Variants in PCDH7 observed in about 807,000 individuals in gnomAD.
PCDH7 encodes protocadherin-7.
In PCDH7, 17 loss-of-function variants were observed where a neutral mutation model predicts 58.9. The observed-to-expected ratio is 0.29, with a 90% confidence interval of 0.20 to 0.43. The LOEUF is 0.43. PCDH7 is among the 20% of genes least tolerant of loss of function. The pLI, the probability that PCDH7 is intolerant of heterozygous loss-of-function variation, is 1.00. For synonymous variants in PCDH7, 664 were observed against 616.4 expected (o/e 1.08, Z -1.14); for missense variants, 1,274 against 1,441.0 (o/e 0.88, Z 1.88).
Position 30,751,801 on chromosome 4 carries a change from A to G in PCDH7, c.70+27205A>G, listed in dbSNP as rs189726281. 9.2e-5 allele frequency among the ~76,000 whole-genome samples: 14 copies of G among 152,280 alleles called. No individual in the cohort carries two copies. In the East Asian group the frequency reaches 2.7e-3, roughly 29 times the overall value. ...TTAATAAATATATTTTAATAGGGCT[A>G]TACATTTTTTCCAGTAATATTTACT... On this transcript the variant is annotated intron_variant, in intron 1 of 3. Transcript: ENST00000509759.
intron 1 of PCDH7, among the ~76,000 whole-genome samples, chr4:30,909,196 T>A (rs1012065573): frequency 2.0e-5 from 3 of 152,118 alleles, no homozygotes; most frequent in Non-Finnish European, 2.9e-5. Flanking sequence ...TAATAAGAAC[T>A]ATGTATGACA....
At chr4:30,998,423 T>A (rs1752081211) in intron 3 of PCDH7, among the ~76,000 whole-genome samples, 2 of 152,158 alleles carry the variant, frequency 1.3e-5, no homozygotes, top group African/African-American at 4.8e-5. Flanking sequence ...GCTGGTGTTT[T>A]TTTGTAGTTG....
chr4:31,096,115 G>A (rs1406662245), intron 3 of PCDH7, among the ~76,000 whole-genome samples: 1 of 152,068 alleles, frequency 6.6e-6, no homozygotes, highest in African/African-American at 2.4e-5. Context: ...TGCAACACAG[G>A]CATATCATAT....
At chr4:30,783,942 A>ATGTG (rs138059892) in intron 1 of PCDH7, among the ~76,000 whole-genome samples, 4 of 150,304 alleles carry the variant, frequency 2.7e-5, no homozygotes, top group East Asian at 3.9e-4. Context: ...TTGTTTGTGT[A>ATGTG]TGTGTGTGTG....
chr4:30,801,255 A>G (rs1164070672), intron 1 of PCDH7, among the ~76,000 whole-genome samples: 1 of 152,346 alleles, frequency 6.6e-6, no homozygotes, highest in Admixed American at 6.5e-5. Context: ...GGAATTGGAA[A>G]TGTGGGAGAT....
intron 1 of PCDH7, among the ~76,000 whole-genome samples, chr4:30,825,000 A>G (rs1240396312): frequency 6.6e-6 from 1 of 152,242 alleles, no homozygotes; most frequent in South Asian, 2.1e-4. Context: ...TGTACAAGGC[A>G]TATATAAAGT....
chr4:30,958,885 G>A (rs1426509900), intron 3 of PCDH7, among the ~76,000 whole-genome samples: 1 of 151,918 alleles, frequency 6.6e-6, no homozygotes, highest in Non-Finnish European at 1.5e-5. Flanking sequence ...AACAAATAAA[G>A]CATAAAAGCA....
chr4:31,048,383 A>G (rs1046185098), intron 3 of PCDH7, among the ~76,000 whole-genome samples: 3 of 152,080 alleles, frequency 2.0e-5, no homozygotes, highest in African/African-American at 7.2e-5. Flanking sequence ...TCTGTTTTCA[A>G]TAAAGATTAC....
At chr4:30,854,568 T>A (rs1733208099) in intron 1 of PCDH7, among the ~76,000 whole-genome samples, 1 of 151,954 alleles carries the variant, frequency 6.6e-6, no homozygotes, top group Non-Finnish European at 1.5e-5. Context: ...CTATTACTTT[T>A]TTAAAGGGAA....
chr4:31,056,500 A>AGAAAGAAAGAAAGAAAGAAG (rs1757229108), intron 3 of PCDH7, among the ~76,000 whole-genome samples: 1 of 126,060 alleles, frequency 7.9e-6, no homozygotes, highest in South Asian at 3.0e-4. Context: ...AAAGAAAGAA[A>AGAAAGAAAGAAAGAAAGAAG]GAAAGAAAGA....
At chr4:31,044,248 A>G (rs1361818438) in intron 3 of PCDH7, among the ~76,000 whole-genome samples, 1 of 152,112 alleles carries the variant, frequency 6.6e-6, no homozygotes, top group African/African-American at 2.4e-5. Context: ...CTCAAGATTA[A>G]CAAAGTGGAC....
chr4:30,767,574 G>C (rs760893690), intron 1 of PCDH7, among the ~76,000 whole-genome samples: 1 of 152,158 alleles, frequency 6.6e-6, no homozygotes, highest in Non-Finnish European at 1.5e-5. Context: ...AACAAGAACT[G>C]TGACGGTTTG....
intron 2 of PCDH7, among the ~76,000 whole-genome samples, chr4:30,949,824 A>G (rs1363854438): frequency 6.6e-6 from 1 of 152,116 alleles, no homozygotes; most frequent in Non-Finnish European, 1.5e-5. Context: ...AGTTATGCCC[A>G]TATGTGAAGG....
intron 1 of PCDH7, among the ~76,000 whole-genome samples, chr4:30,785,943 C>T (rs938263048): frequency 3.3e-5 from 5 of 152,000 alleles, no homozygotes; most frequent in East Asian, 3.9e-4. Flanking sequence ...GAAAAAGACA[C>T]TTTGTGTACT....
chr4:30,785,109 A>G (rs1343665794), intron 1 of PCDH7, among the ~76,000 whole-genome samples: 1 of 152,056 alleles, frequency 6.6e-6, no homozygotes, highest in Non-Finnish European at 1.5e-5. Context: ...ATAGAATGTG[A>G]TAATTAAATG....
chr4:31,054,171 G>A (rs1381603780), intron 3 of PCDH7, among the ~76,000 whole-genome samples: 1 of 152,044 alleles, frequency 6.6e-6, no homozygotes, highest in African/African-American at 2.4e-5. Context: ...TCACCATGTT[G>A]CCCAGGCTGG....
chr4:31,038,499 A>C (rs1755593834), intron 3 of PCDH7, among the ~76,000 whole-genome samples: 2 of 152,138 alleles, frequency 1.3e-5, no homozygotes, highest in African/African-American at 4.8e-5. Context: ...AGAAATTATA[A>C]AGCAGAAAAT....
At chr4:30,812,758 C>A (rs984110503) in intron 1 of PCDH7, among the ~76,000 whole-genome samples, 1 of 152,062 alleles carries the variant, frequency 6.6e-6, no homozygotes, top group African/African-American at 2.4e-5. Flanking sequence ...CATTATTCAT[C>A]TAATTTATTT....
intron 1 of PCDH7, among the ~76,000 whole-genome samples, chr4:30,914,257 A>T (rs544741806): frequency 6.6e-6 from 1 of 152,330 alleles, no homozygotes; most frequent in Non-Finnish European, 1.5e-5. Context: ...AGGGAGAATG[A>T]TGGTACGTAC....
Sources: allele counts gnomAD v4.1 joint callset (sites outside exome capture counted in the v4.1 genomes callset), GRCh38; gene constraint gnomAD v4.1.1; transcripts MANE v1.5; gene names NCBI Gene and HGNC (gene_info 2026-07-23, HGNC 2026-07-21).